The following TBC1D32 variants were observed in gnomAD, a reference collection of about 807,000 sequenced individuals.
TBC1D32 encodes the protein protein broad-minded.
TBC1D32 carries 151 observed loss-of-function variants against 170.3 expected under a neutral mutation model. The ratio of observed to expected loss-of-function variants is 0.89; its 90% CI spans 0.78 to 1.01. The LOEUF is 1.01. TBC1D32 is among the 50% of genes least tolerant of loss of function. The probability of loss-of-function intolerance (pLI) is 0.00; values close to 1 mark genes in which losing one functional copy is unlikely to be tolerated. For missense variants in TBC1D32, 1,464 were observed against 1,457.1 expected (o/e 1.00, Z -0.08); for synonymous variants, 498 against 488.0 (o/e 1.02, Z -0.27).
intron 31 of TBC1D32, among the ~76,000 whole-genome samples, chr6:121,085,279 A>ATATACG (rs1776101380): frequency 2.9e-5 from 4 of 137,654 alleles, no homozygotes; most frequent in Admixed American, 1.4e-4. Flanking sequence ...ATATATACGT[A>ATATACG]TATATATACA....
Position 121,214,975 on chromosome 6 carries a change from C to A in TBC1D32, c.2481+8261G>T, listed in dbSNP as rs148431983. The stretch of plus-strand genomic sequence containing the variant: ...GGCACCAGCCTGCATGTCTGCTCAG[C>A]ACTCAGCTGAGAGAAGACCCACAAT... On this transcript the variant is annotated intron_variant, in intron 21 of 31. Coordinates refer to ENST00000398212, the MANE Select transcript of TBC1D32 (RefSeq NM_152730.6). Among the ~76,000 whole-genome samples the A allele has an allele frequency of 9.3e-3, 1,414 of 152,280 alleles. 29 individuals are homozygous for A. The highest frequency in any genetic ancestry group is 0.033 in the African/African-American group (1,354 of 41,560).
Position 121,207,234 on chromosome 6 carries a change from T to C in TBC1D32, c.2482-2071A>G, listed in dbSNP as rs564193766. Among the ~76,000 whole-genome samples the C allele has an allele frequency of 6.6e-5, 10 of 152,268 alleles. No homozygotes were observed. In the South Asian group the frequency reaches 2.1e-3, roughly 32 times the overall value. On this transcript the variant is annotated intron_variant, in intron 21 of 31. Transcript: ENST00000398212. ...CCAATTAGTTCTATGCATAGTAGTTTCTAAAAGTATTATAATAAATATTTC... is the reference window on the plus strand; with the variant it reads ...CCAATTAGTTCTATGCATAGTAGTTCCTAAAAGTATTATAATAAATATTTC...
Position 121,297,990 on chromosome 6 carries a change from G to A in TBC1D32, c.1140+1456C>T, listed in dbSNP as rs571858206. On this transcript the variant is annotated intron_variant, in intron 10 of 31. Transcript: ENST00000398212. ...AGTTCTTATACAAGAATCTCTTTTA[G>A]AACAGAAACACAAATGGATGGAGTG... is the stretch of plus-strand genomic sequence containing the variant. 1.5e-3 allele frequency among the ~76,000 whole-genome samples: 225 copies of A among 152,064 alleles called. 2 individuals are homozygous for A. The highest frequency in any genetic ancestry group is 5.2e-3 in the African/African-American group (217 of 41,524).
rs148205595 is a variant in TBC1D32, at chr6:121,274,576, T to A, written c.1733+4545A>T. On this transcript the variant is annotated intron_variant, in intron 15 of 31. Coordinates refer to ENST00000398212, the MANE Select transcript of TBC1D32 (RefSeq NM_152730.6). ...GGCATGAATCTTCAAATTTACAATG[T>A]CCATCAATACATGTACAATTATTAT... 7.3e-5 allele frequency among the ~76,000 whole-genome samples: 11 copies of A among 151,414 alleles called. No homozygotes were observed. In the East Asian group the frequency reaches 1.9e-3, roughly 27 times the overall value.
chr6:121,331,050 G>A (rs528842901), intron 1 of TBC1D32, among the ~76,000 whole-genome samples: 2 of 152,312 alleles, frequency 1.3e-5, no homozygotes, highest in African/African-American at 4.8e-5. Flanking sequence ...AGATATGGCT[G>A]TACTGCCTAC....
chr6:121,203,464 A>G (rs1312442014), intron 22 of TBC1D32, among the ~76,000 whole-genome samples: 3 of 151,400 alleles, frequency 2.0e-5, no homozygotes, highest in Admixed American at 2.0e-4. Context: ...CGAAAAAATG[A>G]AGACAAAAAT....
chr6:121,191,889 C>A (rs1790093283), intron 22 of TBC1D32, among the ~76,000 whole-genome samples: 1 of 151,894 alleles, frequency 6.6e-6, no homozygotes, highest in African/African-American at 2.4e-5. Flanking sequence ...AAAGGCGAGA[C>A]TGGCCTAGGC....
intron 31 of TBC1D32, among the ~76,000 whole-genome samples, chr6:121,085,292 TATAC>T (rs1448830590): frequency 5.4e-5 from 8 of 147,162 alleles, no homozygotes; most frequent in African/African-American, 1.5e-4. Context: ...TATATACATA[TATAC>T]ATACATATAT....
At chr6:121,160,922 C>A in intron 23 of TBC1D32, 26 bp downstream of exon 23, 1 of 1,574,924 alleles carries the variant, frequency 6.3e-7, no homozygotes, top group Non-Finnish European at 8.7e-7. Flanking sequence ...AAAAACACAT[C>A]CCACTTCTCT....
At chr6:121,257,215 T>G (rs1312443147) in intron 15 of TBC1D32, among the ~76,000 whole-genome samples, 1 of 152,202 alleles carries the variant, frequency 6.6e-6, no homozygotes, top group East Asian at 1.9e-4. Context: ...GAGAATTATT[T>G]AAAGTTTAAC....
At chr6:121,142,830 CA>C (rs1185062895) in intron 24 of TBC1D32, among the ~76,000 whole-genome samples, 2 of 152,068 alleles carry the variant, frequency 1.3e-5, no homozygotes, top group African/African-American at 4.8e-5. Context: ...CTCAGAAAAA[CA>C]AAAACAAAAG....
At chr6:121,117,599 G>C (rs1436291330) in intron 26 of TBC1D32, among the ~76,000 whole-genome samples, 1 of 152,110 alleles carries the variant, frequency 6.6e-6, no homozygotes, top group African/African-American at 2.4e-5. Context: ...ATGCTTGGGA[G>C]GCTGAAGCAG....
chr6:121,256,399 A>C, intron 15 of TBC1D32, 114 bp from the exon 16 acceptor site: 10 of 816,738 alleles, frequency 1.2e-5, no homozygotes, highest in Non-Finnish European at 1.7e-5. Flanking sequence ...AACTTTTCTC[A>C]GACATGTCAA....
At chr6:121,171,042 C>A (rs1786907349) in intron 22 of TBC1D32, among the ~76,000 whole-genome samples, 1 of 151,874 alleles carries the variant, frequency 6.6e-6, no homozygotes, top group African/African-American at 2.4e-5. Context: ...AAGCAGAAAT[C>A]ATGTGTCTCC....
intron 8 of TBC1D32, 131 bp downstream of exon 8, chr6:121,304,234 A>C (rs941799572): frequency 9.9e-6 from 7 of 705,188 alleles, no homozygotes; most frequent in Non-Finnish European, 1.6e-5. Flanking sequence ...AAAAATAAAA[A>C]TAAAAATTTT....
At chr6:121,123,991 T>G (rs1780561995) in intron 26 of TBC1D32, among the ~76,000 whole-genome samples, 1 of 152,062 alleles carries the variant, frequency 6.6e-6, no homozygotes, top group Admixed American at 6.5e-5. Context: ...ATTAATTCCT[T>G]TCTACCACCA....
At chr6:121,225,842 A>C (rs900427546) in intron 20 of TBC1D32, among the ~76,000 whole-genome samples, 7 of 152,116 alleles carry the variant, frequency 4.6e-5, no homozygotes, top group Non-Finnish European at 1.0e-4. Flanking sequence ...TTCTGGAATA[A>C]AAATATATAC....
At chr6:121,147,918 C>CTT (rs35019014) in intron 24 of TBC1D32, among the ~76,000 whole-genome samples, 12,137 of 136,698 alleles carry the variant, frequency 0.089, 836 homozygotes, top group Middle Eastern at 0.2. Context: ...ACTTGTATGT[C>CTT]TTTTTTTTTT....
chr6:121,288,247 A>C (rs1442777896), intron 12 of TBC1D32, among the ~76,000 whole-genome samples: 1 of 152,052 alleles, frequency 6.6e-6, no homozygotes, highest in Non-Finnish European at 1.5e-5. Flanking sequence ...AAAATTGATA[A>C]ACTGCTAACA....
Sources: gnomAD v4.1 joint callset for allele counts (sites outside exome capture counted in the v4.1 genomes callset) on GRCh38, gnomAD v4.1.1 for gene constraint, MANE v1.5 for transcripts, NCBI Gene and HGNC (gene_info 2026-07-23, HGNC 2026-07-21) for gene names.